PCDHB2: variants seen among roughly 807,000 people sequenced by gnomAD.
PCDHB2 encodes protocadherin beta 2.
For synonymous variants in PCDHB2, 395 were observed against 464.9 expected, an observed-to-expected ratio of 0.85 and a Z score of 1.93; for missense variants, 914 against 1,023.1, an observed-to-expected ratio of 0.89 and a Z score of 1.45.
At position 141,094,980 on chromosome 5, in the gene PCDHB2, AG is replaced by A. The variant is rs1588301149; in HGVS notation, c.196del (p.Ala66ProfsTer23). On this transcript the variant is annotated frameshift_variant, in exon 1 of 1. Transcript: ENST00000194155. LOFTEE classifies it low-confidence loss of function (END_TRUNC). ...GCTGGAGATAGGAGAACTTGCTGTGAGGGGGGCCAGGGTCGTTTCCAAAGGA... is the reference window on the plus strand; with the variant it reads ...GCTGGAGATAGGAGAACTTGCTGTGAGGGGGCCAGGGTCGTTTCCAAAGGA... Reference protein sequence around the residue: ...LGLEIGELAVRGARVVSKGKK... With the variant: ...LGLEIGELAVXGARVVSKGKK... The A allele has an allele frequency of 6.2e-7, 1 of 1,613,422 alleles. No individual in the cohort carries two copies. The highest frequency in any genetic ancestry group is 1.1e-5 in the South Asian group (1 of 91,002).
Position 141,095,765 on chromosome 5 carries a change from TG to T in PCDHB2, c.977del (p.Gly326ValfsTer14). 1 of 1,614,146 alleles carries T rather than the reference TG, an allele frequency of 6.2e-7. No individual in the cohort carries two copies. Among genetic ancestry groups the T allele is most frequent in the South Asian group, 1.1e-5 (1 of 91,082 alleles). On this transcript the variant is annotated frameshift_variant, in exon 1 of 1. Coordinates refer to ENST00000194155, the MANE Select transcript of PCDHB2 (RefSeq NM_018936.4). LOFTEE classifies it low-confidence loss of function (END_TRUNC). ...TYTVNIQATD[G>X]GGLSGTCVVF... ...ACACAGTAAATATTCAGGCGACAGA[TG>T]GTGGGGGCCTATCTGGAACTTGTGT...
rs1283092729 is a variant in PCDHB2 at position 141,094,725 on chromosome 5, G to C, written c.-66G>C. 1.5e-5 allele frequency: 19 copies of C among 1,272,148 alleles called. No homozygotes were observed. The East Asian group carries it at 3.5e-4, about 24-fold the overall frequency. 78.8% of individuals were successfully genotyped at this position (1,272,148 alleles called of 1,614,324 possible). A position where few individuals can be genotyped will look rare whatever the true frequency, so the allele number is the denominator to read the frequency against. ...ACTCATCCCAGTATCAGCGAGATAC[G>C]GGGAGATAGAGTTAGCGACAACGTG... is the stretch of plus-strand genomic sequence containing the variant. On this transcript the variant is annotated 5_prime_UTR_variant, in exon 1 of 1. Coordinates refer to ENST00000194155, the MANE Select transcript of PCDHB2 (RefSeq NM_018936.4).
rs1554271250 is a variant in PCDHB2, at chr5:141,095,421, A to G, written c.631A>G (p.Arg211Gly). Reference sequence around the variant, plus strand: ...GGATCGCGAGGAGCAGCCTGAGATCAGGTTAACCCTCACAGCGCTAGATGG... The same window carrying G: ...GGATCGCGAGGAGCAGCCTGAGATCGGGTTAACCCTCACAGCGCTAGATGG... ...ALDREEQPEI[R>G]LTLTALDGGS... The change falls in exon 1 of 1, where the codon AGG becomes GGG. Residue 211 changes from arginine (R) to glycine (G), a missense_variant. By Grantham distance (125) the Arg-to-Gly change is moderately radical. Transcript: ENST00000194155. 6.2e-7 allele frequency: 1 copy of G among 1,614,198 alleles called. No individual in the cohort carries two copies. Among genetic ancestry groups the G allele is most frequent in the Admixed American group, 1.7e-5 (1 of 60,026 alleles).
Position 141,095,549 on chromosome 5 carries a change from C to A in PCDHB2, c.759C>A (p.Ile253=). 6.2e-7 allele frequency: 1 copy of A among 1,614,050 alleles called. No individual in the cohort carries two copies. The highest frequency in any genetic ancestry group is 1.1e-5 in the South Asian group (1 of 91,072). The change falls in exon 1 of 1, where the codon ATC becomes ATA. Residue 253 remains isoleucine (I), a synonymous_variant. Transcript: ENST00000194155. The stretch of plus-strand genomic sequence containing the variant: ...CAAAGCTGCTCTATGAGGTGCAGAT[C>A]CCGGAGGACAGCCCCGTTGGATCCC... ...EFAKLLYEVQ[I]PEDSPVGSQV...
chr5:141,097,288 C>G lies in PCDHB2; in HGVS notation c.*101C>G. 7.8e-7 allele frequency: 1 copy of G among 1,280,102 alleles called. No individual in the cohort carries two copies. The highest frequency in any genetic ancestry group is 2.4e-5 in the Admixed American group (1 of 42,312). 79.3% of individuals were successfully genotyped at this position (1,280,102 alleles called of 1,614,324 possible). On this transcript the variant is annotated 3_prime_UTR_variant, in exon 1 of 1. Coordinates refer to ENST00000194155, the MANE Select transcript of PCDHB2 (RefSeq NM_018936.4). ...GGTGTCTCCTTTTATTAGAAAGTAA[C>G]CATCTTATTCCAATTCTATGCATGT...
Position 141,095,913 on chromosome 5 carries a change from C to G in PCDHB2, c.1123C>G (p.Pro375Ala). Residue 375 changes from proline to alanine, a missense_variant, in exon 1 of 1, where the codon CCT becomes GCT. Pro to Ala is a conservative substitution (Grantham distance 27). Coordinates refer to ENST00000194155, the MANE Select transcript of PCDHB2 (RefSeq NM_018936.4). ...TLIAVFSVSD[P>A]DSGDNGRMVC... The stretch of plus-strand genomic sequence containing the variant: ...CATTGCTGTATTCAGCGTTTCAGAT[C>G]CTGACTCCGGAGACAACGGAAGGAT... 6.2e-7 allele frequency: 1 copy of G among 1,614,150 alleles called. No individual in the cohort carries two copies. The highest frequency in any genetic ancestry group is 1.1e-5 in the South Asian group (1 of 91,082).
rs1194620782 is a variant in PCDHB2 at position 141,095,900 on chromosome 5, C to T, written c.1110C>T (p.Phe370=). ...TGCAGGACACCCTCATTGCTGTATT[C>T]AGCGTTTCAGATCCTGACTCCGGAG... ...ENLQDTLIAV[F]SVSDPDSGDN... is the part of the protein sequence containing the mutation. The change falls in exon 1 of 1, where the codon TTC becomes TTT. Residue 370 remains phenylalanine (F), a synonymous_variant. Transcript: ENST00000194155. 1 of 1,613,966 alleles carries T rather than the reference C, an allele frequency of 6.2e-7. No homozygotes were observed. The highest frequency in any genetic ancestry group is 1.3e-5 in the African/African-American group (1 of 74,902).
Position 141,095,099 on chromosome 5 carries a change from C to T in PCDHB2, c.309C>T (p.Pro103=), listed in dbSNP as rs782346639. Residue 103 remains proline (P), a synonymous_variant, in exon 1 of 1, where the codon CCC becomes CCT. Coordinates refer to ENST00000194155, the MANE Select transcript of PCDHB2 (RefSeq NM_018936.4). ...AGGAGCTGTGCGGCCCCACAGAGCC[C>T]TGTGTCCTACCTTTCCAGGTGTTAC... The part of the protein sequence containing the change: ...DREELCGPTE[P]CVLPFQVLLE... The T allele has an allele frequency of 1.2e-6, 2 of 1,614,186 alleles. No homozygotes were observed. The highest frequency in any genetic ancestry group is 2.2e-5 in the South Asian group (2 of 91,078).
Position 141,095,205 on chromosome 5 carries a change from G to A in PCDHB2, c.415G>A (p.Glu139Lys). The change falls in exon 1 of 1, where the codon GAA becomes AAA. Residue 139 changes from glutamate (E) to lysine (K), a missense_variant. Physicochemically the swap from Glu to Lys is moderately conservative, Grantham distance 56. Coordinates refer to ENST00000194155, the MANE Select transcript of PCDHB2 (RefSeq NM_018936.4). The part of the protein sequence containing the change: ...NDHSPVFLDK[E>K]ILLKIPESIT... ...TCATTCCCCAGTTTTCCTAGACAAA[G>A]AAATACTTTTGAAAATTCCAGAAAG... 3 of 1,610,912 alleles carry A rather than the reference G, an allele frequency of 1.9e-6. No individual in the cohort carries two copies. Among genetic ancestry groups the A allele is most frequent in the Non-Finnish European group, 2.5e-6 (3 of 1,178,468 alleles).
At position 141,094,925 on chromosome 5, in the gene PCDHB2, C is replaced by T. The variant is rs1751767420; in HGVS notation, c.135C>T (p.Ser45=). The T allele has an allele frequency of 6.2e-7, 1 of 1,614,142 alleles. No individual in the cohort carries two copies. Residue 45 remains serine, a synonymous_variant, in exon 1 of 1, where the codon TCC becomes TCT. Coordinates refer to ENST00000194155, the MANE Select transcript of PCDHB2 (RefSeq NM_018936.4). Reference sequence around the variant, plus strand: ...TGGCCGAGGAAACGGAGAGTGGCTCCTTTGTGGCCAATTTGTTAAAAGACC... The same window carrying T: ...TGGCCGAGGAAACGGAGAGTGGCTCTTTTGTGGCCAATTTGTTAAAAGACC... ...YSVAEETESG[S]FVANLLKDLG...
Position 141,095,792 on chromosome 5 carries a change from G to A in PCDHB2, c.1002G>A (p.Val334=). The change falls in exon 1 of 1, where the codon GTG becomes GTA. Residue 334 remains valine (V), a synonymous_variant. Coordinates refer to ENST00000194155, the MANE Select transcript of PCDHB2 (RefSeq NM_018936.4). ...TDGGGLSGTC[V]VFVQVMDLND... ...GTGGGGGCCTATCTGGAACTTGTGT[G>A]GTATTTGTCCAAGTGATGGATTTGA... 1 of 1,614,074 alleles carries A rather than the reference G, an allele frequency of 6.2e-7. No individual in the cohort carries two copies. The highest frequency in any genetic ancestry group is 8.5e-7 in the Non-Finnish European group (1 of 1,180,010).
chr5:141,095,220 A>T lies in PCDHB2; in HGVS notation c.430A>T (p.Ile144Phe), dbSNP rs1420187468. ...CCTAGACAAAGAAATACTTTTGAAAATTCCAGAAAGTATCACTCCTGGAAC... is the reference window on the plus strand; with the variant it reads ...CCTAGACAAAGAAATACTTTTGAAATTTCCAGAAAGTATCACTCCTGGAAC... ...VFLDKEILLK[I>F]PESITPGTTF... Residue 144 changes from isoleucine (I) to phenylalanine (F), a missense_variant, in exon 1 of 1, where the codon ATT becomes TTT. Ile to Phe is a conservative substitution (Grantham distance 21). Coordinates refer to ENST00000194155, the MANE Select transcript of PCDHB2 (RefSeq NM_018936.4). 6.8e-6 allele frequency: 11 copies of T among 1,611,948 alleles called. No homozygotes were observed. The highest frequency in any genetic ancestry group is 9.3e-6 in the Non-Finnish European group (11 of 1,178,904).
rs31852 is a variant in PCDHB2, at chr5:141,096,110, C to A, written c.1320C>A (p.Thr440=). ...GGCTGAAAACCGAGCACAACATAAC[C>A]GTGCTGGTCTCCGACGTCAATGACA... ...TPRLKTEHNI[T]VLVSDVNDNA... Residue 440 remains threonine (T), a synonymous_variant, in exon 1 of 1, where the codon ACC becomes ACA. Transcript: ENST00000194155. The A allele has an allele frequency of 4.1e-3, 6,682 of 1,613,962 alleles. 161 individuals carry two copies. In the African/African-American group the frequency reaches 0.078, roughly 19 times the overall value.
At position 141,095,124 on chromosome 5, in the gene PCDHB2, C is replaced by G. The variant is rs377068504; in HGVS notation, c.334C>G (p.Leu112Val). The change falls in exon 1 of 1, where the codon CTA (leucine) becomes GTA (valine). Residue 112 changes from leucine (L) to valine (V), a missense_variant. Coordinates refer to ENST00000194155, the MANE Select transcript of PCDHB2 (RefSeq NM_018936.4). Reference sequence around the variant, plus strand: ...CTGTGTCCTACCTTTCCAGGTGTTACTAGAAAATCCCTTGCAGTTTTTTCA... The same window carrying G: ...CTGTGTCCTACCTTTCCAGGTGTTAGTAGAAAATCCCTTGCAGTTTTTTCA... ...EPCVLPFQVL[L>V]ENPLQFFQAE... 1.1e-5 allele frequency: 18 copies of G among 1,613,774 alleles called. No individual in the cohort carries two copies. Among genetic ancestry groups the G allele is most frequent in the Admixed American group, 1.7e-5 (1 of 59,966 alleles).
chr5:141,096,234 TCGGGCACCAA>T lies in PCDHB2; in HGVS notation c.1447_1456del (p.Gly483ProfsTer58), dbSNP rs781903506. 6.2e-7 allele frequency: 1 copy of T among 1,612,850 alleles called. No homozygotes were observed. The highest frequency in any genetic ancestry group is 8.5e-7 in the Non-Finnish European group (1 of 1,180,024). On this transcript the variant is annotated frameshift_variant, in exon 1 of 1. Coordinates refer to ENST00000194155, the MANE Select transcript of PCDHB2 (RefSeq NM_018936.4). LOFTEE classifies it low-confidence loss of function (END_TRUNC). ...CAGCGTCAGCGCCACAGACAGAGAC[TCGGGCACCAA>T]CGCCCAGGTCACCTACTCGCTGCTG...
Position 141,095,534 on chromosome 5 carries a change from C to G in PCDHB2, c.744C>G (p.Leu248=), listed in dbSNP as rs1251485321. 1 of 1,613,882 alleles carries G rather than the reference C, an allele frequency of 6.2e-7. No homozygotes were observed. Among genetic ancestry groups the G allele is most frequent in the Non-Finnish European group, 8.5e-7 (1 of 1,179,940 alleles). ...ACGTCCCAGAGTTTGCAAAGCTGCTCTATGAGGTGCAGATCCCGGAGGACA... is the reference window on the plus strand; with the variant it reads ...ACGTCCCAGAGTTTGCAAAGCTGCTGTATGAGGTGCAGATCCCGGAGGACA... The part of the protein sequence containing the change: ...NDNVPEFAKL[L]YEVQIPEDSP... The change falls in exon 1 of 1, where the codon CTC becomes CTG. Residue 248 remains leucine (L), a synonymous_variant. Transcript: ENST00000194155.
rs1554271280 is a variant in PCDHB2, at chr5:141,095,555, G to C, written c.765G>C (p.Glu255Asp). Reference sequence around the variant, plus strand: ...TGCTCTATGAGGTGCAGATCCCGGAGGACAGCCCCGTTGGATCCCAGGTTG... The same window carrying C: ...TGCTCTATGAGGTGCAGATCCCGGACGACAGCCCCGTTGGATCCCAGGTTG... ...AKLLYEVQIPEDSPVGSQVAI... is the reference protein window; with the variant it reads ...AKLLYEVQIPDDSPVGSQVAI... Residue 255 changes from glutamate (E) to aspartate (D), a missense_variant, in exon 1 of 1, where the codon GAG (glutamate) becomes GAC (aspartate). By Grantham distance (45) the Glu-to-Asp change is conservative. Transcript: ENST00000194155. 1.2e-6 allele frequency: 2 copies of C among 1,614,006 alleles called. No homozygotes were observed. The highest frequency in any genetic ancestry group is 3.3e-5 in the Admixed American group (2 of 59,996).
Position 141,095,491 on chromosome 5 carries a change from T to G in PCDHB2, c.701T>G (p.Val234Gly). Residue 234 changes from valine (V) to glycine (G), a missense_variant, in exon 1 of 1, where the codon GTT (valine) becomes GGT (glycine). Val to Gly is a moderately radical substitution (Grantham distance 109). Transcript: ENST00000194155. ...GGCACGGCCCTGGTACGGATTGAAG[T>G]TGTGGACATCAATGACAACGTCCCA... ...RSGTALVRIE[V>G]VDINDNVPEF... 1.2e-6 allele frequency: 2 copies of G among 1,614,006 alleles called. No individual in the cohort carries two copies. Among genetic ancestry groups the G allele is most frequent in the Non-Finnish European group, 1.7e-6 (2 of 1,179,980 alleles).
chr5:141,097,264 G>T lies in PCDHB2; in HGVS notation c.*77G>T. 6.9e-7 allele frequency: 1 copy of T among 1,449,256 alleles called. No individual in the cohort carries two copies. The highest frequency in any genetic ancestry group is 9.3e-7 in the Non-Finnish European group (1 of 1,075,080). 89.8% of individuals were successfully genotyped at this position (1,449,256 alleles called of 1,614,324 possible). A position where few individuals can be genotyped will look rare whatever the true frequency, so the allele number is the denominator to read the frequency against. Reference sequence around the variant, plus strand: ...TTTTTTACTGCTTTGCCCATTGGAGGTGTCTCCTTTTATTAGAAAGTAACC... The same window carrying T: ...TTTTTTACTGCTTTGCCCATTGGAGTTGTCTCCTTTTATTAGAAAGTAACC... On this transcript the variant is annotated 3_prime_UTR_variant, in exon 1 of 1. Transcript: ENST00000194155.
Sources: allele counts gnomAD v4.1 joint callset, GRCh38; gene constraint gnomAD v4.1.1; transcripts MANE v1.5; gene names NCBI Gene and HGNC (gene_info 2026-07-23, HGNC 2026-07-21).